Variants in EPHB1 observed in about 807,000 individuals in gnomAD.
EPHB1 encodes the protein ephrin type-B receptor 1.
A neutral mutation model predicts 94.4 loss-of-function variants in EPHB1; 30 were observed. The ratio of observed to expected loss-of-function variants is 0.32; its 90% confidence interval spans 0.24 to 0.43. The LOEUF (loss-of-function observed/expected upper bound fraction) is 0.43. EPHB1 is among the 20% of genes least tolerant of loss of function. The pLI is 1.00. For synonymous variants in EPHB1, 522 were observed against 489.1 expected, an observed-to-expected ratio of 1.07 and a Z score of -0.89; for missense variants, 1,055 against 1,308.3, an observed-to-expected ratio of 0.81 and a Z score of 2.99.
chr3:134,865,765 G>A (rs894495213), intron 1 of EPHB1, among the ~76,000 whole-genome samples: 1 of 151,982 alleles, frequency 6.6e-6, no homozygotes, highest in East Asian at 1.9e-4. Flanking sequence ...TGTTTCATAC[G>A]TTACCTTTTG....
At chr3:134,830,323 A>G (rs1256501656) in intron 1 of EPHB1, among the ~76,000 whole-genome samples, 1 of 152,240 alleles carries the variant, frequency 6.6e-6, no homozygotes, top group Non-Finnish European at 1.5e-5. Flanking sequence ...ACACACATAC[A>G]ATATTATTAT....
chr3:134,939,889 C>A (rs1190140098), intron 2 of EPHB1, among the ~76,000 whole-genome samples: 2 of 152,206 alleles, frequency 1.3e-5, no homozygotes, highest in Non-Finnish European at 1.5e-5. Flanking sequence ...AAATAGCAGC[C>A]TCCCTCAACA....
At chr3:135,150,736 T>A (rs1024441767) in intron 5 of EPHB1, among the ~76,000 whole-genome samples, 3 of 152,246 alleles carry the variant, frequency 2.0e-5, no homozygotes, top group Admixed American at 6.5e-5. Flanking sequence ...ATTGATTCTC[T>A]TGGTGATCTC....
intron 3 of EPHB1, among the ~76,000 whole-genome samples, chr3:134,989,112 T>A (rs1053900174): frequency 6.6e-6 from 1 of 152,214 alleles, no homozygotes; most frequent in African/African-American, 2.4e-5. Flanking sequence ...CCTGCAAGTG[T>A]TTCAAACTTC....
At chr3:134,980,577 G>A (rs1424706785) in intron 3 of EPHB1, among the ~76,000 whole-genome samples, 1 of 152,192 alleles carries the variant, frequency 6.6e-6, no homozygotes, top group Non-Finnish European at 1.5e-5. Flanking sequence ...AAACGAGCAA[G>A]ATAATCTCTA....
chr3:134,910,508 A>C (rs2038429335), intron 1 of EPHB1, among the ~76,000 whole-genome samples: 1 of 152,226 alleles, frequency 6.6e-6, no homozygotes, highest in Non-Finnish European at 1.5e-5. Context: ...GGATGCCAGG[A>C]GCCAGTCAAT....
intron 1 of EPHB1, among the ~76,000 whole-genome samples, chr3:134,908,227 A>G (rs1022502674): frequency 6.6e-6 from 1 of 152,332 alleles, no homozygotes; most frequent in Admixed American, 6.5e-5. Flanking sequence ...CTGCGTATGC[A>G]TCTAGAGGCT....
chr3:134,911,785 TC>T (rs1198731953), intron 1 of EPHB1, among the ~76,000 whole-genome samples: 3 of 152,154 alleles, frequency 2.0e-5, no homozygotes, highest in Non-Finnish European at 4.4e-5. Flanking sequence ...CTGGGATGTG[TC>T]CAGGAGAACT....
chr3:135,137,695 G>A (rs1230153856), intron 5 of EPHB1, among the ~76,000 whole-genome samples: 6 of 152,132 alleles, frequency 3.9e-5, no homozygotes, highest in Admixed American at 3.9e-4. Flanking sequence ...TAGTACTATA[G>A]GGACAAGCAA....
chr3:134,897,918 C>T (rs1453168792), intron 1 of EPHB1, among the ~76,000 whole-genome samples: 1 of 152,196 alleles, frequency 6.6e-6, no homozygotes, highest in African/African-American at 2.4e-5. Context: ...GCTCTTCTTC[C>T]TACTGGGAGG....
chr3:134,913,063 C>A (rs2038488306), intron 1 of EPHB1, among the ~76,000 whole-genome samples: 1 of 152,224 alleles, frequency 6.6e-6, no homozygotes. Context: ...TTCCTTGTTC[C>A]TGTGTTTGTC....
chr3:135,070,792 T>G (rs1270813527), intron 3 of EPHB1, among the ~76,000 whole-genome samples: 1 of 152,216 alleles, frequency 6.6e-6, no homozygotes, highest in African/African-American at 2.4e-5. Flanking sequence ...TGTTTTGCAT[T>G]CCTAAAGTTA....
chr3:135,099,322 CGGATGGAT>C (rs1559829643), intron 3 of EPHB1, among the ~76,000 whole-genome samples: 1 of 27,528 alleles, frequency 3.6e-5, no homozygotes, highest in Non-Finnish European at 8.3e-5. Flanking sequence ...GATGGATGGA[CGGATGGAT>C]GGACGGATGG....
chr3:134,845,003 G>A (rs62272435), intron 1 of EPHB1, among the ~76,000 whole-genome samples: 8,198 of 152,244 alleles, frequency 0.054, 346 homozygotes, highest in South Asian at 0.21. Flanking sequence ...AATCTTCAAT[G>A]CATGACATGA....
chr3:135,201,439 G>C lies in EPHB1; in HGVS notation c.2131-35G>C, dbSNP rs373369590. On this transcript the variant is annotated intron_variant, in intron 11 of 15. Transcript: ENST00000398015. ...TCCCTCTGCTTAACCATTGAAGCCC[G>C]TCTTGATCCCAATGCCCTCTATGTC... The C allele has an allele frequency of 8.7e-6, 14 of 1,609,176 alleles. No individual in the cohort carries two copies. The African/African-American group carries it at 1.6e-4, about 18-fold the overall frequency.
At chr3:135,225,905 G>C (rs1559881955) in intron 12 of EPHB1, among the ~76,000 whole-genome samples, 1 of 152,182 alleles carries the variant, frequency 6.6e-6, no homozygotes, top group Non-Finnish European at 1.5e-5. Flanking sequence ...AGTTAGGTCT[G>C]GGAATGTGGG....
intron 4 of EPHB1, among the ~76,000 whole-genome samples, chr3:135,124,895 G>C (rs750714199): frequency 6.6e-6 from 1 of 151,528 alleles, no homozygotes; most frequent in African/African-American, 2.4e-5. Context: ...CTGAGCTTGC[G>C]GTGAGACAGG....
At chr3:135,103,903 T>G (rs1939113977) in intron 3 of EPHB1, among the ~76,000 whole-genome samples, 1 of 152,152 alleles carries the variant, frequency 6.6e-6, no homozygotes, top group Admixed American at 6.5e-5. Context: ...ATCAGAAACC[T>G]CAGAGGAGGC....
intron 3 of EPHB1, among the ~76,000 whole-genome samples, chr3:134,995,690 T>C (rs908945721): frequency 6.6e-6 from 1 of 151,564 alleles, no homozygotes; most frequent in African/African-American, 2.4e-5. Context: ...CATCCATTGC[T>C]AGTGGGAATA....
Sources: allele counts gnomAD v4.1 joint callset (sites outside exome capture counted in the v4.1 genomes callset), GRCh38; gene constraint gnomAD v4.1.1; transcripts MANE v1.5; gene names NCBI Gene and HGNC (gene_info 2026-07-23, HGNC 2026-07-21).